The following SND1 variants were observed in gnomAD, a reference collection of about 807,000 sequenced individuals.
SND1 encodes the protein staphylococcal nuclease and tudor domain containing 1, also known as staphylococcal nuclease domain-containing protein 1.
Under a neutral mutation model 121.7 loss-of-function variants are expected in SND1, and 38 were observed. The ratio of observed to expected loss-of-function variants is 0.31; its 90% CI spans 0.24 to 0.41. The LOEUF (loss-of-function observed/expected upper bound fraction) is 0.41. SND1 is among the 10% of genes least tolerant of loss of function. The probability of loss-of-function intolerance (pLI) is 1.00; values close to 1 mark genes in which losing one functional copy is unlikely to be tolerated. For synonymous variants in SND1, 401 were observed against 447.4 expected, an observed-to-expected ratio of 0.90 and a Z score of 1.31; for missense variants, 868 against 1,184.6, an observed-to-expected ratio of 0.73 and a Z score of 3.92.
At chr7:128,084,638 C>G (rs1793658427) in intron 18 of SND1, 86 bp from the exon 19 acceptor site, 3 of 1,426,018 alleles carry the variant, frequency 2.1e-6, no homozygotes, top group Non-Finnish European at 2.8e-6. Flanking sequence ...ACATTGAGCT[C>G]CCTCCCCAAC....
chr7:128,074,619 A>G lies in SND1; in HGVS notation c.1897A>G (p.Thr633Ala). The change falls in exon 17 of 24, where the codon ACC (threonine) becomes GCC (alanine). Residue 633 changes from threonine (T) to alanine (A), a missense_variant. Thr to Ala is a moderately conservative substitution (Grantham distance 58). Coordinates refer to ENST00000354725, the MANE Select transcript of SND1 (RefSeq NM_014390.4). ...GCACGCGCTCTCCAAGGTCCACTTC[A>G]CCGCCGAACGCAGCTCCTACTACAA... ...VEHALSKVHF[T>A]AERSSYYKSL... 6.2e-7 allele frequency: 1 copy of G among 1,613,848 alleles called. No homozygotes were observed. Among genetic ancestry groups the G allele is most frequent in the Non-Finnish European group, 8.5e-7 (1 of 1,179,976 alleles).
At chr7:128,011,202 A>G (rs1407715978) in intron 16 of SND1, among the ~76,000 whole-genome samples, 1 of 152,006 alleles carries the variant, frequency 6.6e-6, no homozygotes, top group Non-Finnish European at 1.5e-5. Flanking sequence ...GGCCACAGAG[A>G]CAGTGTGTAC....
At chr7:128,081,554 G>C in intron 18 of SND1, 53 bp downstream of exon 18, 1 of 1,605,422 alleles carries the variant, frequency 6.2e-7, no homozygotes, top group Admixed American at 1.7e-5. Flanking sequence ...AGCTGGCGCT[G>C]CCTGGGGGTA....
At chr7:127,781,951 A>C (rs1797731080) in intron 10 of SND1, among the ~76,000 whole-genome samples, 1 of 152,112 alleles carries the variant, frequency 6.6e-6, no homozygotes, top group Non-Finnish European at 1.5e-5. Flanking sequence ...CCCCTTTTTC[A>C]CTTAAGACAA....
intron 16 of SND1, chr7:128,032,019 T>G (rs1271357032): frequency 6.6e-6 from 1 of 151,490 alleles, no homozygotes; most frequent in East Asian, 1.9e-4. Flanking sequence ...GCCCACCGTC[T>G]CCTCCTCGCG....
chr7:127,764,517 G>A (rs1047895289), intron 10 of SND1, among the ~76,000 whole-genome samples: 1 of 152,236 alleles, frequency 6.6e-6, no homozygotes, highest in Non-Finnish European at 1.5e-5. Context: ...GCCATCTTTA[G>A]TTTGCCTGCA....
chr7:127,767,799 C>G (rs1403716389), intron 10 of SND1, among the ~76,000 whole-genome samples: 2 of 152,084 alleles, frequency 1.3e-5, no homozygotes, highest in Non-Finnish European at 2.9e-5. Flanking sequence ...TCCTTAAATT[C>G]TATAATCTTA....
At chr7:127,729,996 T>C (rs1264887752) in intron 10 of SND1, among the ~76,000 whole-genome samples, 1 of 152,228 alleles carries the variant, frequency 6.6e-6, no homozygotes, top group Non-Finnish European at 1.5e-5. Flanking sequence ...GAAGTCTCGC[T>C]CTTGTTGCCC....
At chr7:127,769,800 T>C (rs1797483081) in intron 10 of SND1, among the ~76,000 whole-genome samples, 2 of 152,206 alleles carry the variant, frequency 1.3e-5, no homozygotes, top group South Asian at 2.1e-4. Flanking sequence ...CAAAGGCAAC[T>C]GTATGAACCA....
chr7:127,984,506 G>A (rs116754052), intron 15 of SND1, among the ~76,000 whole-genome samples: 3 of 152,112 alleles, frequency 2.0e-5, no homozygotes, highest in African/African-American at 4.8e-5. Context: ...TCAGCTCTGC[G>A]CCCTGACAGT....
At position 127,724,788 on chromosome 7, in the gene SND1, C is replaced by T. The variant is rs1796553911; in HGVS notation, c.1152+3388C>T. ...TATGCCTGGTAAAAACTTACTTTAGCAAGGAACTCTGGATTTTCTTTTGGT... is the reference window on the plus strand; with the variant it reads ...TATGCCTGGTAAAAACTTACTTTAGTAAGGAACTCTGGATTTTCTTTTGGT... On this transcript the variant is annotated intron_variant, in intron 10 of 23. Transcript: ENST00000354725. Among the ~76,000 whole-genome samples, 3 of 152,130 alleles carry T rather than the reference C, an allele frequency of 2.0e-5. No individual in the cohort carries two copies. The South Asian group carries it at 6.2e-4, about 31-fold the overall frequency.
Position 128,053,865 on chromosome 7 carries a change from C to T in SND1, c.1780-20637C>T, listed in dbSNP as rs146010304. ...CTCCACTCTCCACGCTGTCCTACTC[C>T]GGCAGGCTGAGCTTTTCCCCGACCC... is the stretch of plus-strand genomic sequence containing the variant. On this transcript the variant is annotated intron_variant, in intron 16 of 23. Transcript: ENST00000354725. Among the ~76,000 whole-genome samples the T allele has an allele frequency of 5.3e-3, 810 of 152,302 alleles. 4 individuals carry two copies. The highest frequency in any genetic ancestry group is 0.017 in the Middle Eastern group (5 of 294).
intron 14 of SND1, among the ~76,000 whole-genome samples, chr7:127,924,250 C>T (rs1432897745): frequency 6.6e-6 from 1 of 152,112 alleles, no homozygotes; most frequent in South Asian, 2.1e-4. Flanking sequence ...AGTATACTTC[C>T]CCAGTAATAA....
intron 10 of SND1, among the ~76,000 whole-genome samples, chr7:127,775,008 G>C (rs191094554): frequency 1.3e-5 from 2 of 152,158 alleles, no homozygotes; most frequent in Non-Finnish European, 2.9e-5. Flanking sequence ...AGTTAGATGC[G>C]ATCATGCTGG....
chr7:127,698,871 T>C lies in SND1; in HGVS notation c.350-4T>C, dbSNP rs1468775898. On this transcript the variant is annotated splice_polypyrimidine_tract_variant and splice_region_variant and intron_variant, in intron 3 of 23. Coordinates refer to ENST00000354725, the MANE Select transcript of SND1 (RefSeq NM_014390.4). ...GTTTTTAAATCCCCCCTTTTCCTCC[T>C]CAGATACCAATGGGGAAAACATTGC... The C allele has an allele frequency of 4.3e-6, 7 of 1,613,376 alleles. No individual in the cohort carries two copies. Among genetic ancestry groups the C allele is most frequent in the Non-Finnish European group, 5.9e-6 (7 of 1,179,530 alleles).
chr7:127,865,925 T>C (rs1799463954), intron 12 of SND1, among the ~76,000 whole-genome samples: 1 of 152,108 alleles, frequency 6.6e-6, no homozygotes, highest in Non-Finnish European at 1.5e-5. Context: ...CTTTTTTTTT[T>C]TTTTACCACA....
intron 16 of SND1, among the ~76,000 whole-genome samples, chr7:128,061,939 G>C (rs1401985774): frequency 6.6e-6 from 1 of 152,246 alleles, no homozygotes. Flanking sequence ...CAGGAGCTCA[G>C]AGCCCAGGCT....
chr7:128,070,811 A>G lies in SND1; in HGVS notation c.1780-3691A>G, dbSNP rs1367137900. Among the ~76,000 whole-genome samples the G allele has an allele frequency of 2.0e-5, 3 of 152,116 alleles. No homozygotes were observed. In the East Asian group the frequency reaches 5.8e-4, roughly 29 times the overall value. On this transcript the variant is annotated intron_variant, in intron 16 of 23. Coordinates refer to ENST00000354725, the MANE Select transcript of SND1 (RefSeq NM_014390.4). ...GATCTTCATTATTCACCGGTTACATATTTGCAAATTCACCAAAATCTATTT... is the reference window on the plus strand; with the variant it reads ...GATCTTCATTATTCACCGGTTACATGTTTGCAAATTCACCAAAATCTATTT...
At chr7:127,897,759 T>C (rs1800148652) in intron 13 of SND1, among the ~76,000 whole-genome samples, 1 of 152,120 alleles carries the variant, frequency 6.6e-6, no homozygotes. Context: ...CAACAGGGGA[T>C]TGATTAAAAT....
Sources: allele counts gnomAD v4.1 joint callset (sites outside exome capture counted in the v4.1 genomes callset), GRCh38; gene constraint gnomAD v4.1.1; transcripts MANE v1.5; gene names NCBI Gene and HGNC (gene_info 2026-07-23, HGNC 2026-07-21).